Variants in C1orf50 observed in about 807,000 individuals in gnomAD.
C1orf50 encodes the protein chromosome 1 open reading frame 50, also known as uncharacterized protein C1orf50.
Under a neutral mutation model 23.3 loss-of-function variants are expected in C1orf50, and 22 were observed. The observed-to-expected ratio is 0.94, with a 90% CI of 0.67 to 1.35. The LOEUF is 1.35. C1orf50 is among the 40% of genes most tolerant of loss of function. The probability of loss-of-function intolerance (pLI) is 0.00; values close to 1 mark genes in which losing one functional copy is unlikely to be tolerated. For missense variants in C1orf50, 271 were observed against 249.4 expected (o/e 1.09, Z -0.58); for synonymous variants, 96 against 102.4 (o/e 0.94, Z 0.38).
intron 4 of C1orf50, 53 bp downstream of exon 4, chr1:42,774,921 T>G (rs545347739): frequency 6.4e-7 from 1 of 1,572,528 alleles, no homozygotes; most frequent in South Asian, 1.1e-5. Context: ...TGAGAAATTC[T>G]TGGTATATGT....
chr1:42,771,672 A>G (rs1448265229), intron 2 of C1orf50, among the ~76,000 whole-genome samples: 1 of 152,210 alleles, frequency 6.6e-6, no homozygotes, highest in East Asian at 1.9e-4. Context: ...TGTTTTTGAT[A>G]TATTAGGTTA....
rs1171683266 is a variant in C1orf50 at position 42,771,783 on chromosome 1, GC to G, written c.196-1778del. On this transcript the variant is annotated intron_variant, in intron 2 of 4. Transcript: ENST00000372525. ...ACTTGAGGCCAGGAGTTCGAGGCCA[GC>G]CTGGCAAACATGGCAAAACCCCATC... Among the ~76,000 whole-genome samples the G allele has an allele frequency of 7.2e-5, 11 of 152,090 alleles. 1 individual carries two copies. Among genetic ancestry groups the G allele is most frequent in the Admixed American group, 6.6e-4 (10 of 15,260 alleles).
chr1:42,773,763 A>G (rs1340499531), intron 3 of C1orf50, 114 bp downstream of exon 3: 3 of 624,450 alleles, frequency 4.8e-6, no homozygotes, highest in East Asian at 5.9e-5. Context: ...CTAGAAATGT[A>G]GAGGTGTTGA....
chr1:42,774,236 C>G (rs908214531), intron 3 of C1orf50, among the ~76,000 whole-genome samples: 3 of 151,076 alleles, frequency 2.0e-5, no homozygotes, highest in African/African-American at 7.3e-5. Flanking sequence ...TTTGAAATAT[C>G]TTTTTTTTTG....
chr1:42,777,527 T>TA lies in C1orf50; in HGVS notation c.*2134dup, dbSNP rs1407753869. On this transcript the variant is annotated 3_prime_UTR_variant, in exon 5 of 5. Coordinates refer to ENST00000372525, the MANE Select transcript of C1orf50 (RefSeq NM_024097.4). Reference sequence around the variant, plus strand: ...TTTCTTAAGCAAAGTAAACAAGGATTAGAGTCTGCTAGCCAGATGGAAGTT... The same window carrying TA: ...TTTCTTAAGCAAAGTAAACAAGGATTAAGAGTCTGCTAGCCAGATGGAAGTT... 6.6e-6 allele frequency: 1 copy of TA among 152,232 alleles called. No individual in the cohort carries two copies. The highest frequency in any genetic ancestry group is 1.5e-5 in the Non-Finnish European group (1 of 68,046). 9.4% of individuals were successfully genotyped at this position (152,232 alleles called of 1,614,324 possible). A position where few individuals can be genotyped will look rare whatever the true frequency, so the allele number is the denominator to read the frequency against.
At position 42,774,755 on chromosome 1, in the gene C1orf50, A is replaced by G; in HGVS notation, c.301A>G (p.Arg101Gly). The change falls in exon 4 of 5, where the codon AGA becomes GGA. Residue 101 changes from arginine (R) to glycine (G), a missense_variant. Arg to Gly is a moderately radical substitution (Grantham distance 125). Coordinates refer to ENST00000372525, the MANE Select transcript of C1orf50 (RefSeq NM_024097.4). The part of the protein sequence containing the change: ...QARKVLEDAH[R>G]DANLHHVACN... ...TTCATAGGTACTGGAAGATGCTCAC[A>G]GAGATGCCAACCTGCACCATGTAGC... 6.2e-7 allele frequency: 1 copy of G among 1,612,248 alleles called. No homozygotes were observed. Among genetic ancestry groups the G allele is most frequent in the Non-Finnish European group, 8.5e-7 (1 of 1,178,516 alleles).
At chr1:42,774,943 G>C in intron 4 of C1orf50, 75 bp downstream of exon 4, 1 of 1,528,366 alleles carries the variant, frequency 6.5e-7, no homozygotes, top group East Asian at 2.3e-5. Context: ...TGAAAATGTA[G>C]ACATGTGGAT....
rs1334356813 is a variant in C1orf50 at position 42,778,160 on chromosome 1, A to G, written c.*2766A>G. ...AATGGGAAACTAGGACCCAGTGATT[A>G]TATACAGTAATCACTTTTCATTTAC... is the stretch of plus-strand genomic sequence containing the variant. On this transcript the variant is annotated 3_prime_UTR_variant, in exon 5 of 5. Transcript: ENST00000372525. 4 of 152,076 alleles carry G rather than the reference A, an allele frequency of 2.6e-5. No homozygotes were observed. The highest frequency in any genetic ancestry group is 9.7e-5 in the African/African-American group (4 of 41,402). The allele number at this position is 152,076 out of a possible 1,614,324, so 9.4% of individuals were successfully genotyped here. A position where few individuals can be genotyped will look rare whatever the true frequency, so the allele number is the denominator to read the frequency against.
At chr1:42,768,330 C>T (rs571783442) in intron 2 of C1orf50, among the ~76,000 whole-genome samples, 1 of 152,310 alleles carries the variant, frequency 6.6e-6, no homozygotes, top group South Asian at 2.1e-4. Flanking sequence ...CAATGAAAAA[C>T]CAGATTCCTT....
intron 2 of C1orf50, among the ~76,000 whole-genome samples, chr1:42,769,498 AT>A (rs1653169951): frequency 6.6e-6 from 1 of 151,392 alleles, no homozygotes. Context: ...GTGAGCTGAG[AT>A]CACACCACTG....
At chr1:42,773,321 A>G (rs1448174476) in intron 2 of C1orf50, 1 of 327,288 alleles carries the variant, frequency 3.1e-6, no homozygotes, top group East Asian at 6.4e-5. Context: ...AGGGGTGGAA[A>G]GCTATGGGAA....
Position 42,777,439 on chromosome 1 carries a change from G to C in C1orf50, c.*2045G>C, listed in dbSNP as rs959116682. ...GTTGCTGGCTTCCGGGGTTCCACTA[G>C]CTGACTGTTGGCTGGAGGTTGCCCT... On this transcript the variant is annotated 3_prime_UTR_variant, in exon 5 of 5. Coordinates refer to ENST00000372525, the MANE Select transcript of C1orf50 (RefSeq NM_024097.4). 2.6e-5 allele frequency: 4 copies of C among 152,314 alleles called. No individual in the cohort carries two copies. The highest frequency in any genetic ancestry group is 9.6e-5 in the African/African-American group (4 of 41,464). 9.4% of individuals were successfully genotyped at this position (152,314 alleles called of 1,614,324 possible).
chr1:42,767,471 G>T (rs1237221692), intron 1 of C1orf50, 38 bp from the exon 2 acceptor site: 19 of 1,555,912 alleles, frequency 1.2e-5, no homozygotes, highest in Admixed American at 9.7e-5. Context: ...GGCCGACGGC[G>T]GGAGCTCACG....
intron 2 of C1orf50, among the ~76,000 whole-genome samples, chr1:42,768,571 T>A (rs555886287): frequency 2.4e-4 from 35 of 148,198 alleles, no homozygotes; most frequent in South Asian, 1.7e-3. Context: ...CTTTTTTTTT[T>A]AAAATTAAGA....
chr1:42,773,924 G>A (rs1240665405), intron 3 of C1orf50, among the ~76,000 whole-genome samples: 1 of 152,166 alleles, frequency 6.6e-6, no homozygotes, highest in African/African-American at 2.4e-5. Flanking sequence ...CCGGGTTCAA[G>A]CGATTCTCCT....
chr1:42,774,948 G>A, intron 4 of C1orf50, 80 bp downstream of exon 4: 1 of 1,513,000 alleles, frequency 6.6e-7, no homozygotes, highest in Non-Finnish European at 9.0e-7. Flanking sequence ...ATGTAGACAT[G>A]TGGATTGGTA....
chr1:42,775,105 G>C (rs1653307181), intron 4 of C1orf50, 104 bp from the exon 5 acceptor site: 7 of 1,138,192 alleles, frequency 6.2e-6, no homozygotes, highest in Non-Finnish European at 8.8e-6. Context: ...GTTCTGACTA[G>C]TATGAAGTGA....
At chr1:42,775,184 G>C in intron 4 of C1orf50, 25 bp from the exon 5 acceptor site, 1 of 1,579,434 alleles carries the variant, frequency 6.3e-7, no homozygotes, top group South Asian at 1.1e-5. Context: ...ACGCTGATGG[G>C]AACTGCCTCC....
rs564503309 is a variant in C1orf50, at chr1:42,773,901, C to T, written c.282+252C>T. Among the ~76,000 whole-genome samples the T allele has an allele frequency of 9.8e-5, 15 of 152,332 alleles. No individual in the cohort carries two copies. The South Asian group carries it at 2.7e-3, about 27-fold the overall frequency. On this transcript the variant is annotated intron_variant, in intron 3 of 4. Coordinates refer to ENST00000372525, the MANE Select transcript of C1orf50 (RefSeq NM_024097.4). ...GCAGTGGCATGGTCTCAGCTCACTG[C>T]AGCCTCTGCCTCCCGGGTTCAAGCG...
Sources: gnomAD v4.1 joint callset for allele counts (sites outside exome capture counted in the v4.1 genomes callset) on GRCh38, gnomAD v4.1.1 for gene constraint, MANE v1.5 for transcripts, NCBI Gene and HGNC (gene_info 2026-07-23, HGNC 2026-07-21) for gene names.